The following WSCD2 variants were observed in gnomAD, a reference collection of about 807,000 sequenced individuals.
The protein encoded by WSCD2 is WSC domain sialate O sulfotransferase 2.
Under a neutral mutation model 55.7 loss-of-function variants are expected in WSCD2, and 28 were observed. That is an observed-to-expected ratio of 0.50 (90% CI 0.37 to 0.69). The LOEUF (loss-of-function observed/expected upper bound fraction) is 0.69, where lower values mean the gene tolerates loss of function less well. WSCD2 is among the 30% of genes least tolerant of loss of function. The probability of loss-of-function intolerance (pLI) is 0.00; values close to 1 mark genes in which losing one functional copy is unlikely to be tolerated. For missense variants in WSCD2, 616 were observed against 762.1 expected (o/e 0.81, Z 2.26); for synonymous variants, 301 against 301.9 (o/e 1.00, Z 0.03).
In WSCD2 at chr12:108,250,198, G is replaced by GTA. The variant is rs1566005738; in HGVS notation, c.*1857_*1858dup. The GTA allele has an allele frequency of 6.7e-6, 1 of 148,220 alleles. No homozygotes were observed. Among genetic ancestry groups the GTA allele is most frequent in the Non-Finnish European group, 1.5e-5 (1 of 67,266 alleles). The allele number at this position is 148,220 out of a possible 1,614,324, so 9.2% of individuals were successfully genotyped here. The stretch of plus-strand genomic sequence containing the variant: ...TGTGTGTGTGTGTGTGTGTGTGTGT[G>GTA]TATGAGAGAGAGAGAGAGAGACAAC... On this transcript the variant is annotated 3_prime_UTR_variant, in exon 9 of 9. Coordinates refer to ENST00000547525, the MANE Select transcript of WSCD2 (RefSeq NM_014653.4).
At chr12:108,175,609 G>T (rs1331365951) in intron 1 of WSCD2, among the ~76,000 whole-genome samples, 1 of 152,232 alleles carries the variant, frequency 6.6e-6, no homozygotes, top group Non-Finnish European at 1.5e-5. Context: ...CAGTGTTACT[G>T]CTCTGGGAGC....
intron 1 of WSCD2, among the ~76,000 whole-genome samples, chr12:108,132,994 C>T (rs532546598): frequency 4.7e-4 from 72 of 152,160 alleles, no homozygotes; most frequent in African/African-American, 1.6e-3. Context: ...TCTGTGTAAA[C>T]GTGTGTTTCT....
chr12:108,233,147 C>G (rs1888961851), intron 7 of WSCD2: 2 of 412,070 alleles, frequency 4.9e-6, no homozygotes, highest in Admixed American at 3.7e-5. Context: ...AAGTACTTAT[C>G]CTATGCCTGG....
chr12:108,217,523 G>A (rs759050455), intron 4 of WSCD2, among the ~76,000 whole-genome samples: 25 of 152,198 alleles, frequency 1.6e-4, no homozygotes, highest in Non-Finnish European at 3.1e-4. Context: ...TGCAGAGAGA[G>A]ATGGTCTCCA....
intron 1 of WSCD2, among the ~76,000 whole-genome samples, chr12:108,163,365 T>C (rs1451661794): frequency 6.6e-6 from 1 of 151,830 alleles, no homozygotes; most frequent in African/African-American, 2.4e-5. Flanking sequence ...CAAGACTTTG[T>C]CTCAAAAAAA....
At chr12:108,133,686 C>T (rs1344609) in intron 1 of WSCD2, among the ~76,000 whole-genome samples, 28,027 of 152,092 alleles carry the variant, frequency 0.18, 2,837 homozygotes, top group Non-Finnish European at 0.22. Flanking sequence ...TTGGATGATG[C>T]GTGCTCATTT....
At chr12:108,228,739 C>T (rs1565986803) in intron 6 of WSCD2, among the ~76,000 whole-genome samples, 2 of 152,226 alleles carry the variant, frequency 1.3e-5, no homozygotes, top group African/African-American at 2.4e-5. Flanking sequence ...GTGGCAGCCC[C>T]ACCAATAGCC....
chr12:108,184,677 G>A (rs1353722261), intron 1 of WSCD2, among the ~76,000 whole-genome samples: 1 of 152,164 alleles, frequency 6.6e-6, no homozygotes, highest in Non-Finnish European at 1.5e-5. Flanking sequence ...CATCAGACTT[G>A]AACTAGCTGG....
At chr12:108,193,675 A>G (rs1331352863) in intron 1 of WSCD2, among the ~76,000 whole-genome samples, 1 of 151,996 alleles carries the variant, frequency 6.6e-6, no homozygotes, top group Non-Finnish European at 1.5e-5. Flanking sequence ...ATGCTGGATG[A>G]CAGACAGATG....
At chr12:108,218,529 G>A (rs867232160) in intron 4 of WSCD2, among the ~76,000 whole-genome samples, 4 of 152,196 alleles carry the variant, frequency 2.6e-5, no homozygotes, top group Non-Finnish European at 5.9e-5. Flanking sequence ...CCAAAAGATG[G>A]GTGCCCAGCT....
intron 8 of WSCD2, among the ~76,000 whole-genome samples, chr12:108,242,074 C>G (rs1410917986): frequency 2.0e-5 from 3 of 152,192 alleles, no homozygotes; most frequent in Non-Finnish European, 4.4e-5. Flanking sequence ...TGAGTTGTCC[C>G]CAGCTCATCC....
At chr12:108,243,870 C>A (rs1258329145) in intron 8 of WSCD2, among the ~76,000 whole-genome samples, 1 of 152,166 alleles carries the variant, frequency 6.6e-6, no homozygotes, top group Non-Finnish European at 1.5e-5. Flanking sequence ...GCCCTTGTCA[C>A]CCTCCCAATT....
In WSCD2 at chr12:108,202,523, A is replaced by T. The variant is rs1301917034; in HGVS notation, c.383-3766A>T. Among the ~76,000 whole-genome samples, 6 of 152,000 alleles carry T rather than the reference A, an allele frequency of 3.9e-5. No individual in the cohort carries two copies. The East Asian group carries it at 1.2e-3, about 29-fold the overall frequency. On this transcript the variant is annotated intron_variant, in intron 2 of 8. Coordinates refer to ENST00000547525, the MANE Select transcript of WSCD2 (RefSeq NM_014653.4). ...GCACCATTTAAAAGCCCAGGCTTAT[A>T]AAAAAAGAATAAGATCATGTTTCTT...
At chr12:108,183,457 A>G (rs1272559653) in intron 1 of WSCD2, among the ~76,000 whole-genome samples, 1 of 151,692 alleles carries the variant, frequency 6.6e-6, no homozygotes, top group Non-Finnish European at 1.5e-5. Context: ...GAATCTCTGC[A>G]CCTCTGTGTG....
At chr12:108,214,876 T>C (rs1224350120) in intron 4 of WSCD2, among the ~76,000 whole-genome samples, 1 of 152,252 alleles carries the variant, frequency 6.6e-6, no homozygotes, top group African/African-American at 2.4e-5. Flanking sequence ...TTTTGTGTAC[T>C]GTTGTTAATT....
Position 108,248,006 on chromosome 12 carries a change from T to C in WSCD2, c.1361T>C (p.Val454Ala). The C allele has an allele frequency of 6.2e-7, 1 of 1,612,752 alleles. No homozygotes were observed. Among genetic ancestry groups the C allele is most frequent in the Non-Finnish European group, 8.5e-7 (1 of 1,178,856 alleles). The change falls in exon 9 of 9, where the codon GTG (valine) becomes GCG (alanine). Residue 454 changes from valine to alanine, a missense_variant. This residue lies in a region of WSCD2 where 234 missense variants were observed against 264.6 expected (regional missense o/e 0.88). Coordinates refer to ENST00000547525, the MANE Select transcript of WSCD2 (RefSeq NM_014653.4). The surrounding 1 kb of genome is among the most constrained non-coding windows in gnomAD (Gnocchi z 4.3). ...HWKGKEWPEF[V>A]RNYAPWWATH... ...CTCTCTGCAGAGTGGCCAGAGTTCG[T>C]GAGGAACTATGCCCCGTGGTGGGCC...
chr12:108,219,933 C>T (rs1349229541), intron 4 of WSCD2, among the ~76,000 whole-genome samples: 2 of 152,216 alleles, frequency 1.3e-5, no homozygotes, highest in Non-Finnish European at 2.9e-5. Context: ...TTTGAGGATG[C>T]TTAAAGAATA....
At chr12:108,243,601 A>C (rs1192209660) in intron 8 of WSCD2, among the ~76,000 whole-genome samples, 1 of 152,196 alleles carries the variant, frequency 6.6e-6, no homozygotes, top group East Asian at 1.9e-4. Context: ...AACCATTGCT[A>C]TAAGTCCCTG....
chr12:108,189,709 A>G (rs956692066), intron 1 of WSCD2: 3 of 152,252 alleles, frequency 2.0e-5, no homozygotes, highest in Non-Finnish European at 4.4e-5. Context: ...TAGGATAATC[A>G]TAAGATGCTC....
Sources: allele counts gnomAD v4.1 joint callset (sites outside exome capture counted in the v4.1 genomes callset), GRCh38; gene constraint gnomAD v4.1.1; regional missense constraint gnomAD v4.1.1; non-coding constraint Gnocchi (gnomAD v3.1); transcripts MANE v1.5; gene names NCBI Gene and HGNC (gene_info 2026-07-23, HGNC 2026-07-21).